The following GPATCH8 variants were observed in gnomAD, a reference collection of about 807,000 sequenced individuals.
The protein encoded by GPATCH8 is G patch domain-containing protein 8.
Under a neutral mutation model 118.3 loss-of-function variants are expected in GPATCH8, and 18 were observed. The ratio of observed to expected loss-of-function variants is 0.15; its 90% CI spans 0.11 to 0.23. The LOEUF is 0.23. Ranked by LOEUF, GPATCH8 falls within the 10% of genes least tolerant of loss-of-function variation. The pLI is 1.00. For synonymous variants in GPATCH8, 659 were observed against 684.7 expected, an observed-to-expected ratio of 0.96 and a Z score of 0.59; for missense variants, 1,631 against 1,873.8, an observed-to-expected ratio of 0.87 and a Z score of 2.39.
chr17:44,492,013 T>C (rs1461478234), intron 1 of GPATCH8, among the ~76,000 whole-genome samples: 1 of 152,048 alleles, frequency 6.6e-6, no homozygotes, highest in Non-Finnish European at 1.5e-5. Flanking sequence ...TTTATTTCAA[T>C]TTACAGCCAG....
At chr17:44,492,973 G>A (rs1029879659) in intron 1 of GPATCH8, among the ~76,000 whole-genome samples, 2 of 151,106 alleles carry the variant, frequency 1.3e-5, no homozygotes, top group African/African-American at 4.9e-5. Flanking sequence ...CACAGACAGT[G>A]AAAAGACAAG....
chr17:44,470,009 T>C (rs1203848754), intron 2 of GPATCH8, among the ~76,000 whole-genome samples: 2 of 152,226 alleles, frequency 1.3e-5, no homozygotes, highest in South Asian at 2.1e-4. Context: ...AACTGGAGTT[T>C]GAAGCTTACA....
intron 5 of GPATCH8, among the ~76,000 whole-genome samples, chr17:44,425,938 A>C (rs2050074577): frequency 6.6e-6 from 1 of 152,204 alleles, no homozygotes; most frequent in Non-Finnish European, 1.5e-5. Context: ...AATTAAAAAA[A>C]CCCCACCAAC....
At chr17:44,468,083 T>C (rs1188178547) in intron 2 of GPATCH8, among the ~76,000 whole-genome samples, 1 of 151,286 alleles carries the variant, frequency 6.6e-6, no homozygotes, top group Non-Finnish European at 1.5e-5. Flanking sequence ...CACTACAATC[T>C]CCACCTCCTG....
chr17:44,397,411 C>T lies in GPATCH8; in HGVS notation c.*157G>A, dbSNP rs1321340789. ...CTGATAGTAAACTGAAAGCAAACTT[C>T]AAATCTAAACCCACCCCTGCAAGCC... On this transcript the variant is annotated 3_prime_UTR_variant, in exon 8 of 8. Coordinates refer to ENST00000591680, the MANE Select transcript of GPATCH8 (RefSeq NM_001002909.4). 2.8e-6 allele frequency: 2 copies of T among 706,146 alleles called. No individual in the cohort carries two copies. Among genetic ancestry groups the T allele is most frequent in the Non-Finnish European group, 5.2e-6 (2 of 387,040 alleles). 43.7% of individuals were successfully genotyped at this position (706,146 alleles called of 1,614,324 possible). A position where few individuals can be genotyped will look rare whatever the true frequency, so the allele number is the denominator to read the frequency against.
intron 3 of GPATCH8, among the ~76,000 whole-genome samples, chr17:44,453,305 G>C (rs181232821): frequency 6.6e-6 from 1 of 152,138 alleles, no homozygotes; most frequent in Admixed American, 6.5e-5. Flanking sequence ...TTTACTGGTT[G>C]CTTACCCTTG....
At chr17:44,489,881 C>T (rs1182487348) in intron 1 of GPATCH8, among the ~76,000 whole-genome samples, 1 of 152,180 alleles carries the variant, frequency 6.6e-6, no homozygotes, top group Non-Finnish European at 1.5e-5. Flanking sequence ...GTCTGATTAT[C>T]TGAAGGCCTC....
intron 3 of GPATCH8, among the ~76,000 whole-genome samples, chr17:44,452,827 C>CTT (rs34935678): frequency 1.9e-4 from 28 of 146,220 alleles, no homozygotes; most frequent in South Asian, 2.2e-4. Flanking sequence ...TCTTCAATAT[C>CTT]TTTTTTTTTT....
chr17:44,479,881 T>C (rs1968075769), intron 1 of GPATCH8, among the ~76,000 whole-genome samples: 1 of 151,184 alleles, frequency 6.6e-6, no homozygotes, highest in Non-Finnish European at 1.5e-5. Context: ...GCTGGAGAAC[T>C]GCTTGAACCC....
intron 5 of GPATCH8, among the ~76,000 whole-genome samples, chr17:44,429,136 C>CA (rs766028069): frequency 1.6e-4 from 23 of 147,814 alleles, no homozygotes; most frequent in African/African-American, 2.2e-4. Context: ...GACTCCATCT[C>CA]AAAAAAAAAG....
At chr17:44,408,071 A>G (rs1176102277) in intron 6 of GPATCH8, among the ~76,000 whole-genome samples, 1 of 152,216 alleles carries the variant, frequency 6.6e-6, no homozygotes, top group Non-Finnish European at 1.5e-5. Context: ...AAGGCTTATC[A>G]GGCCTATTAT....
In GPATCH8 at chr17:44,395,734, C is replaced by T. The variant is rs2048756313; in HGVS notation, c.*1834G>A. ...TTACTCTTTTGAGAATTTGCGAAGG[C>T]AGGAACAGAGCCTTGGCCCAGGTAA... On this transcript the variant is annotated 3_prime_UTR_variant, in exon 8 of 8. Coordinates refer to ENST00000591680, the MANE Select transcript of GPATCH8 (RefSeq NM_001002909.4). 1 of 454,120 alleles carries T rather than the reference C, an allele frequency of 2.2e-6. No individual in the cohort carries two copies. The highest frequency in any genetic ancestry group is 2.0e-5 in the African/African-American group (1 of 50,130). 28.1% of individuals were successfully genotyped at this position (454,120 alleles called of 1,614,324 possible).
chr17:44,417,842 T>C (rs1158309014), intron 6 of GPATCH8, among the ~76,000 whole-genome samples: 2 of 152,220 alleles, frequency 1.3e-5, no homozygotes, highest in Non-Finnish European at 2.9e-5. Context: ...TGTTCAGCTT[T>C]AGTCAACTGT....
At chr17:44,449,145 C>T (rs2144159633) in intron 3 of GPATCH8, among the ~76,000 whole-genome samples, 1 of 152,194 alleles carries the variant, frequency 6.6e-6, no homozygotes, top group East Asian at 1.9e-4. Context: ...GGCGTGATGG[C>T]ACATGCCTGT....
intron 1 of GPATCH8, chr17:44,486,042 G>T (rs1045086430): frequency 5.9e-5 from 9 of 152,116 alleles, no homozygotes; most frequent in African/African-American, 1.9e-4. Context: ...CTACAGGCAT[G>T]TATTAGCACA....
chr17:44,467,154 C>G, intron 2 of GPATCH8: 1 of 1,077,858 alleles, frequency 9.3e-7, no homozygotes, highest in South Asian at 1.4e-5. Context: ...AAGTAAGAAA[C>G]TGTCCAATCA....
At chr17:44,457,596 CAG>C (rs1309787359) in intron 3 of GPATCH8, among the ~76,000 whole-genome samples, 2 of 152,062 alleles carry the variant, frequency 1.3e-5, no homozygotes, top group Non-Finnish European at 2.9e-5. Context: ...ATTTAGTAAC[CAG>C]GAAGATGTGC....
In GPATCH8 at chr17:44,399,567, C is replaced by T. The variant is rs2048927282; in HGVS notation, c.2510G>A (p.Ser837Asn). Reference sequence around the variant, plus strand: ...TGAATCTTCCTCTTCTTCTTCCTCACTGTACTGGGATGGAGACTTCTGGTG... The same window carrying T: ...TGAATCTTCCTCTTCTTCTTCCTCATTGTACTGGGATGGAGACTTCTGGTG... ...RLHQKSPSQYSEEEEEEDSGS... is the reference protein window; with the variant it reads ...RLHQKSPSQYNEEEEEEDSGS... Residue 837 changes from serine (S) to asparagine (N), a missense_variant, in exon 8 of 8, where the codon AGT (serine) becomes AAT (asparagine). Ser to Asn is a conservative substitution (Grantham distance 46, BLOSUM62 1). Transcript: ENST00000591680. 6.2e-7 allele frequency: 1 copy of T among 1,614,184 alleles called. No homozygotes were observed. The highest frequency in any genetic ancestry group is 1.6e-4 in the Middle Eastern group (1 of 6,062).
rs2050976210 is a variant in GPATCH8, at chr17:44,448,514, G to A, written c.194-11969C>T. On this transcript the variant is annotated intron_variant, in intron 3 of 7. Transcript: ENST00000591680. ...CAAAAAAAAAAAAAAGGGGGGGGGG[G>A]GAAGAAGGAGGAAGAAGAAGAAGGA... Among the ~76,000 whole-genome samples the A allele has an allele frequency of 3.9e-5, 4 of 102,324 alleles. 1 individual carries two copies. The highest frequency in any genetic ancestry group is 6.4e-4 in the East Asian group (2 of 3,104). The allele number at this position is 102,324 out of a possible 152,430, so 67.1% of individuals were successfully genotyped here.
Sources: gnomAD v4.1 joint callset for allele counts (sites outside exome capture counted in the v4.1 genomes callset) on GRCh38, gnomAD v4.1.1 for gene constraint, MANE v1.5 for transcripts, NCBI Gene and HGNC (gene_info 2026-07-23, HGNC 2026-07-21) for gene names.